Variants in WDPCP observed in about 807,000 individuals in gnomAD.
The protein encoded by WDPCP is WD repeat containing planar cell polarity effector.
In WDPCP, 71 loss-of-function variants were observed where a neutral mutation model predicts 93.1. That is an observed-to-expected ratio of 0.76 (90% CI 0.63 to 0.93). The LOEUF is 0.93. Ranked by LOEUF, WDPCP falls within the 40% of genes least tolerant of loss-of-function variation. The pLI, the probability that WDPCP is intolerant of heterozygous loss-of-function variation, is 0.00. For missense variants in WDPCP, 844 were observed against 887.4 expected (o/e 0.95, Z 0.62); for synonymous variants, 315 against 315.0 (o/e 1.00, Z 0.00).
intron 17 of WDPCP, among the ~76,000 whole-genome samples, chr2:63,141,953 T>C (rs1671089275): frequency 6.6e-6 from 1 of 152,190 alleles, no homozygotes; most frequent in Non-Finnish European, 1.5e-5. Context: ...GAATGATCTT[T>C]TGTATTTCAG....
chr2:63,291,827 G>GAAAAGA (rs1427320739), intron 13 of WDPCP, among the ~76,000 whole-genome samples: 2 of 147,304 alleles, frequency 1.4e-5, no homozygotes, highest in Non-Finnish European at 3.0e-5. Flanking sequence ...AAAAAGAAAA[G>GAAAAGA]AAAAGAAAAA....
At chr2:63,173,944 T>A (rs188954467) in intron 15 of WDPCP, among the ~76,000 whole-genome samples, 2 of 152,312 alleles carry the variant, frequency 1.3e-5, no homozygotes, top group Admixed American at 6.5e-5. Context: ...AGGGAACAGA[T>A]CTGACCCACT....
intron 11 of WDPCP, 88 bp from the exon 12 acceptor site, chr2:63,378,597 T>C (rs1233356204): frequency 1.0e-5 from 16 of 1,573,034 alleles, no homozygotes; most frequent in Non-Finnish European, 1.4e-5. Context: ...AGTCAGGTTT[T>C]GCAGACTTGG....
intron 2 of WDPCP, among the ~76,000 whole-genome samples, chr2:63,796,309 A>G (rs1363621198): frequency 3.3e-5 from 5 of 152,254 alleles, no homozygotes; most frequent in Non-Finnish European, 7.3e-5. Context: ...GTAGAGCAAG[A>G]TGGTCAAATA....
intron 13 of WDPCP, among the ~76,000 whole-genome samples, chr2:63,267,202 A>G (rs1299778608): frequency 6.6e-6 from 1 of 152,242 alleles, no homozygotes; most frequent in East Asian, 1.9e-4. Context: ...GATTTTCAAC[A>G]AAGCAGCCAA....
intron 2 of WDPCP, among the ~76,000 whole-genome samples, chr2:63,801,705 G>C (rs747374722): frequency 2.6e-5 from 4 of 152,076 alleles, no homozygotes; most frequent in African/African-American, 7.2e-5. Context: ...CCTCTGGTAA[G>C]ACAGGAAAGT....
chr2:63,506,739 G>T (rs1701899107), intron 1 of WDPCP, among the ~76,000 whole-genome samples: 1 of 152,030 alleles, frequency 6.6e-6, no homozygotes, highest in Non-Finnish European at 1.5e-5. Context: ...GCTCTTCCCT[G>T]CCAACACAGT....
At chr2:63,497,111 C>CAAAAAA (rs10667775) in intron 1 of WDPCP, among the ~76,000 whole-genome samples, 761 of 72,138 alleles carry the variant, frequency 0.011, 50 homozygotes, top group African/African-American at 0.038. Context: ...GACTCCATCT[C>CAAAAAA]AAAAAAAAAA....
chr2:63,182,292 T>C (rs1320806048), intron 14 of WDPCP, among the ~76,000 whole-genome samples: 2 of 152,272 alleles, frequency 1.3e-5, no homozygotes, highest in East Asian at 3.9e-4. Context: ...TTATCATATA[T>C]TGCTTTTATT....
chr2:63,350,586 CTTACA>C (rs1689529060), intron 12 of WDPCP, among the ~76,000 whole-genome samples: 1 of 152,056 alleles, frequency 6.6e-6, no homozygotes, highest in Non-Finnish European at 1.5e-5. Flanking sequence ...GGGTTTAAGG[CTTACA>C]CTGTGAGCTA....
rs937277276 is a variant in WDPCP at position 63,162,227 on chromosome 2, AT to A, written c.2079-8654del. ...AGCATGCAAGTTCAGAAAGAGGACC[AT>A]TTTTTTTTTCAAAAAATATTCAAGG... On this transcript the variant is annotated intron_variant, in intron 15 of 17. Transcript: ENST00000272321. Among the ~76,000 whole-genome samples the A allele has an allele frequency of 1.3e-4, 19 of 148,476 alleles. 1 individual carries two copies. The highest frequency in any genetic ancestry group is 6.4e-4 in the South Asian group (3 of 4,652).
At chr2:63,485,427 A>C (rs1467131601) in intron 4 of WDPCP, among the ~76,000 whole-genome samples, 2 of 151,876 alleles carry the variant, frequency 1.3e-5, no homozygotes, top group Non-Finnish European at 2.9e-5. Flanking sequence ...ATGAAAAGAA[A>C]TAAAAAATAA....
chr2:63,622,066 CTTTTTTTTTTTTT>C, intron 3 of WDPCP: 2 of 528,492 alleles, frequency 3.8e-6, no homozygotes, highest in Non-Finnish European at 5.5e-6. Context: ...TTTCTTTTTT[CTTTTTTTTTTTTT>C]TTTTTGGAAG....
intron 2 of WDPCP, among the ~76,000 whole-genome samples, chr2:63,685,755 C>T (rs530550011): frequency 6.6e-6 from 1 of 152,296 alleles, no homozygotes; most frequent in South Asian, 2.1e-4. Context: ...GATCATTCAT[C>T]ATGACCAAGT....
intron 1 of WDPCP, among the ~76,000 whole-genome samples, chr2:63,565,970 A>T (rs1030499420): frequency 1.3e-5 from 2 of 152,090 alleles, no homozygotes; most frequent in Non-Finnish European, 2.9e-5. Context: ...CTACCTCAAC[A>T]ATCTATTACA....
chr2:63,364,254 A>G (rs566356332), intron 12 of WDPCP, among the ~76,000 whole-genome samples: 5 of 152,286 alleles, frequency 3.3e-5, no homozygotes, highest in African/African-American at 1.2e-4. Flanking sequence ...GAAGACTTAC[A>G]TGATTGAGAA....
chr2:63,588,671 C>T (rs530107035), upstream of WDPCP: 105 of 478,740 alleles, frequency 2.2e-4, 1 homozygote, highest in Middle Eastern at 1.2e-3. Context: ...CACGCTATCT[C>T]TCCCGCCAAT....
At chr2:63,301,668 T>A (rs528322683) in intron 13 of WDPCP, among the ~76,000 whole-genome samples, 2 of 152,058 alleles carry the variant, frequency 1.3e-5, no homozygotes, top group Non-Finnish European at 2.9e-5. Context: ...CCAGCAACCA[T>A]GAGCAGCATG....
chr2:63,734,866 TAGATAGACAGAC>T (rs1040028208), intron 2 of WDPCP, among the ~76,000 whole-genome samples: 13 of 131,928 alleles, frequency 9.9e-5, no homozygotes, highest in African/African-American at 2.9e-4. Flanking sequence ...TGGAGATAGA[TAGATAGACAGAC>T]AGACAGACAG....
Sources: gnomAD v4.1 joint callset for allele counts (sites outside exome capture counted in the v4.1 genomes callset) on GRCh38, gnomAD v4.1.1 for gene constraint, MANE v1.5 for transcripts, NCBI Gene and HGNC (gene_info 2026-07-23, HGNC 2026-07-21) for gene names.